TUSC3: variants seen among roughly 807,000 people sequenced by gnomAD.
The protein encoded by TUSC3 is tumor suppressor candidate 3.
TUSC3 carries 45 observed loss-of-function variants against 44.8 expected under a neutral mutation model. That is an observed-to-expected ratio of 1.00 (90% CI 0.79 to 1.29). The LOEUF (loss-of-function observed/expected upper bound fraction) is 1.29, where lower values mean the gene tolerates loss of function less well. TUSC3 is among the 50% of genes most tolerant of loss of function. TUSC3 has a pLI of 0.00. For synonymous variants in TUSC3, 212 were observed against 152.9 expected, an observed-to-expected ratio of 1.39 and a Z score of -2.85; for missense variants, 519 against 437.9, an observed-to-expected ratio of 1.19 and a Z score of -1.65.
chr8:15,476,770 C>G (rs933389593), intron 1 of TUSC3, among the ~76,000 whole-genome samples: 1 of 152,188 alleles, frequency 6.6e-6, no homozygotes. Flanking sequence ...TAAATACCCT[C>G]TAGAGGTTTC....
intron 5 of TUSC3, among the ~76,000 whole-genome samples, chr8:15,670,940 A>G (rs1310105020): frequency 6.6e-6 from 1 of 151,962 alleles, no homozygotes; most frequent in East Asian, 1.9e-4. Context: ...ATTCAACCTT[A>G]TTAATCAGGG....
At chr8:15,567,425 A>G (rs1344267871) in intron 1 of TUSC3, among the ~76,000 whole-genome samples, 1 of 152,152 alleles carries the variant, frequency 6.6e-6, no homozygotes, top group Non-Finnish European at 1.5e-5. Context: ...CATCCATGGA[A>G]ACTTGCCCAG....
At chr8:15,534,812 C>T (rs1368229374) in intron 2 of TUSC3, among the ~76,000 whole-genome samples, 1 of 152,118 alleles carries the variant, frequency 6.6e-6, no homozygotes, top group Non-Finnish European at 1.5e-5. Context: ...AAGTGACGTA[C>T]AGGAATCAGA....
intron 1 of TUSC3, among the ~76,000 whole-genome samples, chr8:15,570,517 CAT>C (rs146270495): frequency 0.031 from 4,699 of 152,162 alleles, 202 homozygotes; most frequent in African/African-American, 0.1. Context: ...ACTTTAAAAA[CAT>C]GTGATTGTTT....
intron 1 of TUSC3, among the ~76,000 whole-genome samples, chr8:15,426,213 C>G (rs1799801690): frequency 6.6e-6 from 1 of 152,152 alleles, no homozygotes; most frequent in Non-Finnish European, 1.5e-5. Context: ...CTCTCAGTTT[C>G]CTTGTATTCG....
chr8:15,561,477 C>T (rs1802457920), intron 1 of TUSC3: 1 of 145,128 alleles, frequency 6.9e-6, no homozygotes, highest in East Asian at 2.1e-4. Context: ...GCCCTGCCCC[C>T]AGAGGTGGAG....
At chr8:15,500,396 T>C (rs79649556) in intron 2 of TUSC3, among the ~76,000 whole-genome samples, 10 of 152,222 alleles carry the variant, frequency 6.6e-5, no homozygotes, top group Non-Finnish European at 1.3e-4. Flanking sequence ...CTATTTTCCC[T>C]CTATAGTCAT....
chr8:15,436,483 T>C (rs1416684269), intron 1 of TUSC3, among the ~76,000 whole-genome samples: 1 of 152,224 alleles, frequency 6.6e-6, no homozygotes, highest in African/African-American at 2.4e-5. Flanking sequence ...ATCTTCAGCA[T>C]AACCTTGTGA....
intron 6 of TUSC3, among the ~76,000 whole-genome samples, chr8:15,705,786 G>C (rs188977607): frequency 8.5e-5 from 13 of 152,128 alleles, no homozygotes; most frequent in Admixed American, 5.3e-4. Flanking sequence ...GTCTGTCAGA[G>C]TTTGTAGGTA....
chr8:15,784,498 A>ATGTG, the TUSC3 span, among the ~76,000 whole-genome samples: 5,495 of 149,550 alleles, frequency 0.037, 129 homozygotes, highest in Non-Finnish European at 0.052. Flanking sequence ...TGTTATGTGT[A>ATGTG]TGTGTGTGTG....
At chr8:15,713,248 C>A (rs1256057153) in intron 6 of TUSC3, among the ~76,000 whole-genome samples, 3 of 152,072 alleles carry the variant, frequency 2.0e-5, no homozygotes, top group African/African-American at 7.2e-5. Flanking sequence ...TATGTGGTTT[C>A]TTCTCATTTA....
chr8:15,634,126 A>T (rs1805954932), intron 2 of TUSC3, among the ~76,000 whole-genome samples: 1 of 152,214 alleles, frequency 6.6e-6, no homozygotes, highest in Non-Finnish European at 1.5e-5. Flanking sequence ...TGGAGCAAAG[A>T]CAAGATGGTA....
At chr8:15,504,608 TATA>T in intron 2 of TUSC3, among the ~76,000 whole-genome samples, 1 of 33,656 alleles carries the variant, frequency 3.0e-5, no homozygotes, top group African/African-American at 1.9e-4. Flanking sequence ...TATATATATA[TATA>T]TATATATATA....
chr8:15,805,851 C>T, the TUSC3 span, among the ~76,000 whole-genome samples: 1 of 152,062 alleles, frequency 6.6e-6, no homozygotes, highest in Non-Finnish European at 1.5e-5. Context: ...GGAGTCCCTC[C>T]TCCTAGATTT....
At chr8:15,746,190 A>G (rs566417087) in intron 8 of TUSC3, among the ~76,000 whole-genome samples, 3 of 151,990 alleles carry the variant, frequency 2.0e-5, no homozygotes, top group African/African-American at 7.3e-5. Context: ...ATTTGTAGTA[A>G]ATTTTTAAAT....
intron 9 of TUSC3, among the ~76,000 whole-genome samples, chr8:15,755,097 A>G (rs77904940): frequency 0.012 from 1,850 of 152,232 alleles, 43 homozygotes; most frequent in African/African-American, 0.042. Flanking sequence ...AATCTGTCTC[A>G]TGCCATTACT....
intron 2 of TUSC3, among the ~76,000 whole-genome samples, chr8:15,495,231 C>G (rs1031932936): frequency 6.6e-6 from 1 of 152,176 alleles, no homozygotes; most frequent in Non-Finnish European, 1.5e-5. Context: ...TGCCATCCCT[C>G]TCTGGGATAA....
At chr8:15,843,762 C>G in the TUSC3 span, among the ~76,000 whole-genome samples, 1 of 151,866 alleles carries the variant, frequency 6.6e-6, no homozygotes, top group South Asian at 2.1e-4. Context: ...CACCTGTGTT[C>G]CAGATTATAT....
At chr8:15,781,800 G>T in the TUSC3 span, among the ~76,000 whole-genome samples, 1 of 152,100 alleles carries the variant, frequency 6.6e-6, no homozygotes, top group East Asian at 1.9e-4. Context: ...TATGAGGCCA[G>T]AATCACTCTG....
Sources: allele counts gnomAD v4.1 joint callset (sites outside exome capture counted in the v4.1 genomes callset), GRCh38; gene constraint gnomAD v4.1.1; transcripts MANE v1.5; gene names NCBI Gene and HGNC (gene_info 2026-07-23, HGNC 2026-07-21).